Variants in PIK3C2A observed in about 807,000 individuals in gnomAD.
The protein encoded by PIK3C2A is phosphatidylinositol-4-phosphate 3-kinase catalytic subunit type 2 alpha.
A neutral mutation model predicts 204.5 loss-of-function variants in PIK3C2A; 97 were observed. The observed-to-expected ratio is 0.47, with a 90% confidence interval of 0.40 to 0.56. The LOEUF (loss-of-function observed/expected upper bound fraction) is 0.56. Ranked by LOEUF, PIK3C2A falls within the 20% of genes least tolerant of loss-of-function variation. The pLI is 0.00. For missense variants in PIK3C2A, 1,735 were observed against 1,969.2 expected (o/e 0.88, Z 2.25); for synonymous variants, 653 against 664.4 (o/e 0.98, Z 0.26).
intron 8 of PIK3C2A, 25 bp downstream of exon 8, chr11:17,145,643 T>G: frequency 1.4e-6 from 2 of 1,448,730 alleles, no homozygotes; most frequent in Non-Finnish European, 1.9e-6. Flanking sequence ...TAAGTCATTA[T>G]GCCAAAATGT....
rs111579338 is a variant in PIK3C2A at position 17,097,287 on chromosome 11, G to GT, written c.4119-24dup. Reference sequence around the variant, plus strand: ...AGCCTACAAAATAATCAGAAAATTCGTTAACAGTAAATGAGAACACATGGT... The same window carrying GT: ...AGCCTACAAAATAATCAGAAAATTCGTTTAACAGTAAATGAGAACACATGGT... On this transcript the variant is annotated intron_variant, in intron 26 of 32. Transcript: ENST00000691414. 4.1e-4 allele frequency: 600 copies of GT among 1,479,856 alleles called. 3 individuals are homozygous for GT. The African/African-American group carries it at 7.1e-3, about 17-fold the overall frequency. 91.7% of individuals were successfully genotyped at this position (1,479,856 alleles called of 1,614,324 possible). A position where few individuals can be genotyped will look rare whatever the true frequency, so the allele number is the denominator to read the frequency against.
At chr11:17,116,003 C>T (rs985618757) in intron 19 of PIK3C2A, among the ~76,000 whole-genome samples, 9 of 151,974 alleles carry the variant, frequency 5.9e-5, no homozygotes, top group Admixed American at 1.3e-4. Context: ...TTAGATATGA[C>T]ACTAAAAGCA....
At chr11:17,194,906 T>C (rs538456268) in intron 1 of PIK3C2A, among the ~76,000 whole-genome samples, 2 of 111,330 alleles carry the variant, frequency 1.8e-5, no homozygotes, top group East Asian at 7.6e-4. Flanking sequence ...CGAAACTCCA[T>C]CTCGAAGAAA....
chr11:17,128,257 T>C (rs1332036040), intron 13 of PIK3C2A, among the ~76,000 whole-genome samples: 3 of 151,164 alleles, frequency 2.0e-5, no homozygotes, highest in Admixed American at 2.0e-4. Context: ...ATTTTTCTTT[T>C]AGAACTTTAG....
At chr11:17,092,946 A>G (rs1035336296) in intron 28 of PIK3C2A, among the ~76,000 whole-genome samples, 2 of 152,262 alleles carry the variant, frequency 1.3e-5, no homozygotes, top group African/African-American at 2.4e-5. Flanking sequence ...TCCCTAAAAA[A>G]TAAAATCACT....
rs531749493 is a variant in PIK3C2A, at chr11:17,135,618, T to C, written c.1849-459A>G. ...TTATCCATCAAATGGGTAAAATAAA[T>C]AGAAGCCTCAGACAAAATTAGGTCC... On this transcript the variant is annotated intron_variant, in intron 9 of 32. Transcript: ENST00000691414. Among the ~76,000 whole-genome samples the C allele has an allele frequency of 7.9e-5, 12 of 151,992 alleles. No homozygotes were observed. In the South Asian group the frequency reaches 2.5e-3, roughly 32 times the overall value.
At chr11:17,116,675 C>T (rs1205966876) in intron 19 of PIK3C2A, among the ~76,000 whole-genome samples, 4 of 151,918 alleles carry the variant, frequency 2.6e-5, no homozygotes, top group East Asian at 1.9e-4. Flanking sequence ...CTGCAAGCTC[C>T]GCCTCCCGGG....
At position 17,119,985 on chromosome 11, in the gene PIK3C2A, A is replaced by C; in HGVS notation, c.2658-11T>G. On this transcript the variant is annotated splice_polypyrimidine_tract_variant and intron_variant, in intron 15 of 32. Coordinates refer to ENST00000691414, the MANE Select transcript of PIK3C2A (RefSeq NM_002645.4). ...TCTTCTTTAGAAAGTCTGCATATATAATAGAATTAAATTACTTCTCAGTGA... is the reference window on the plus strand; with the variant it reads ...TCTTCTTTAGAAAGTCTGCATATATCATAGAATTAAATTACTTCTCAGTGA... The C allele has an allele frequency of 8.3e-7, 1 of 1,204,562 alleles. No individual in the cohort carries two copies. The highest frequency in any genetic ancestry group is 1.2e-6 in the Non-Finnish European group (1 of 845,566). 74.6% of individuals were successfully genotyped at this position (1,204,562 alleles called of 1,614,324 possible).
intron 12 of PIK3C2A, among the ~76,000 whole-genome samples, chr11:17,130,169 A>T (rs537985363): frequency 1.3e-3 from 196 of 152,236 alleles, no homozygotes; most frequent in Non-Finnish European, 2.1e-3. Flanking sequence ...GTATATACAC[A>T]AACAGCCTTC....
intron 1 of PIK3C2A, among the ~76,000 whole-genome samples, chr11:17,171,230 C>T (rs1187451468): frequency 6.6e-6 from 1 of 152,132 alleles, no homozygotes; most frequent in Admixed American, 6.5e-5. Flanking sequence ...AAATAATACA[C>T]ATAAAAGTGC....
chr11:17,181,473 T>C (rs1234006561), intron 1 of PIK3C2A, among the ~76,000 whole-genome samples: 4 of 151,358 alleles, frequency 2.6e-5, no homozygotes, highest in Non-Finnish European at 5.9e-5. Context: ...AACACACACA[T>C]ATACACACAC....
rs1376287083 is a variant in PIK3C2A at position 17,169,610 on chromosome 11, C to T, written c.132G>A (p.Lys44=). ...MEAEALAKLQ[K]DRQVTDNQRG... Reference sequence around the variant, plus strand: ...TCTGATTGTCAGTCACTTGTCTATCCTTTTGCAGTTTTGCTAAAGCCTCTG... The same window carrying T: ...TCTGATTGTCAGTCACTTGTCTATCTTTTTGCAGTTTTGCTAAAGCCTCTG... The change falls in exon 2 of 33, where the codon AAG becomes AAA. Residue 44 remains lysine (K), a synonymous_variant. Transcript: ENST00000691414. 1 of 1,614,066 alleles carries T rather than the reference C, an allele frequency of 6.2e-7. No individual in the cohort carries two copies. The highest frequency in any genetic ancestry group is 1.7e-5 in the Admixed American group (1 of 60,014).
At chr11:17,140,511 G>A (rs970755771) in intron 8 of PIK3C2A, among the ~76,000 whole-genome samples, 2 of 152,072 alleles carry the variant, frequency 1.3e-5, no homozygotes, top group African/African-American at 4.8e-5. Flanking sequence ...CAACATGGAT[G>A]AACCTCAAAA....
intron 2 of PIK3C2A, among the ~76,000 whole-genome samples, chr11:17,158,416 T>C (rs1590974621): frequency 1.3e-5 from 2 of 150,432 alleles, no homozygotes; most frequent in Non-Finnish European, 3.0e-5. Context: ...TTCATTTATA[T>C]ACTTATTTAT....
At chr11:17,143,133 AG>A (rs1426258736) in intron 8 of PIK3C2A, among the ~76,000 whole-genome samples, 3 of 152,070 alleles carry the variant, frequency 2.0e-5, no homozygotes, top group Non-Finnish European at 2.9e-5. Context: ...AGCTTACCAG[AG>A]ATATTCAGTG....
chr11:17,143,924 A>G (rs972962689), intron 8 of PIK3C2A, among the ~76,000 whole-genome samples: 1 of 152,136 alleles, frequency 6.6e-6, no homozygotes, highest in African/African-American at 2.4e-5. Context: ...GTGACAAGGT[A>G]AGACTCTGTC....
intron 1 of PIK3C2A, among the ~76,000 whole-genome samples, chr11:17,198,329 C>G (rs537989125): frequency 6.7e-6 from 1 of 149,156 alleles, no homozygotes; most frequent in African/African-American, 2.5e-5. Context: ...AGGCTGGTCT[C>G]GAACTCCTGA....
At chr11:17,191,348 C>A (rs576889835) in intron 1 of PIK3C2A, among the ~76,000 whole-genome samples, 1 of 152,180 alleles carries the variant, frequency 6.6e-6, no homozygotes, top group South Asian at 2.1e-4. Context: ...TGAATCCAAT[C>A]TAGAGACTGA....
At chr11:17,193,708 T>C (rs1363175056) in intron 1 of PIK3C2A, among the ~76,000 whole-genome samples, 7 of 151,270 alleles carry the variant, frequency 4.6e-5, no homozygotes, top group Non-Finnish European at 8.8e-5. Flanking sequence ...TAGCGGGGCA[T>C]GATGGCGCGC....
Sources: allele counts gnomAD v4.1 joint callset (sites outside exome capture counted in the v4.1 genomes callset), GRCh38; gene constraint gnomAD v4.1.1; transcripts MANE v1.5; gene names NCBI Gene and HGNC (gene_info 2026-07-23, HGNC 2026-07-21).